Variants in ATP2B2 observed in about 807,000 individuals in gnomAD.
The protein encoded by ATP2B2 is ATPase plasma membrane Ca2+ transporting 2.
A neutral mutation model predicts 120.0 loss-of-function variants in ATP2B2; 15 were observed. The ratio of observed to expected loss-of-function variants is 0.12; its 90% CI spans 0.08 to 0.19. The LOEUF (loss-of-function observed/expected upper bound fraction) is 0.19, where lower values mean the gene tolerates loss of function less well. Ranked by LOEUF, ATP2B2 falls within the 10% of genes least tolerant of loss-of-function variation. The pLI, the probability that ATP2B2 is intolerant of heterozygous loss-of-function variation, is 1.00. For synonymous variants in ATP2B2, 694 were observed against 700.3 expected, an observed-to-expected ratio of 0.99 and a Z score of 0.14; for missense variants, 1,045 against 1,719.8, an observed-to-expected ratio of 0.61 and a Z score of 6.94.
chr3:10,692,619 G>A lies in ATP2B2; in HGVS notation c.-460+15296C>T, dbSNP rs562121378. On this transcript the variant is annotated intron_variant, in intron 1 of 21. Transcript: ENST00000646379. ...GATCCTCTGATGGGAACAGTGAGGAGTGGCAGCACCTTGTGGGTTATGAAC... is the reference window on the plus strand; with the variant it reads ...GATCCTCTGATGGGAACAGTGAGGAATGGCAGCACCTTGTGGGTTATGAAC... 1.1e-4 allele frequency among the ~76,000 whole-genome samples: 16 copies of A among 152,326 alleles called. No homozygotes were observed. In the South Asian group the frequency reaches 3.1e-3, roughly 30 times the overall value.
At chr3:10,557,966 G>A (rs4684711) in intron 2 of ATP2B2, among the ~76,000 whole-genome samples, 1 of 152,170 alleles carries the variant, frequency 6.6e-6, no homozygotes. Context: ...GTAGCATGAA[G>A]GCCCCTGGCC....
chr3:10,600,106 G>A (rs1473703077), intron 2 of ATP2B2, among the ~76,000 whole-genome samples: 1 of 151,970 alleles, frequency 6.6e-6, no homozygotes, highest in African/African-American at 2.4e-5. Flanking sequence ...GAGGGGCTGG[G>A]GCTGGTGGGG....
rs1281969742 is a variant in ATP2B2, at chr3:10,340,926, G to A, written c.2918-222C>T. Among the ~76,000 whole-genome samples, 1 of 152,240 alleles carries A rather than the reference G, an allele frequency of 6.6e-6. No homozygotes were observed. Among genetic ancestry groups the A allele is most frequent in the East Asian group, 1.9e-4 (1 of 5,182 alleles). On this transcript the variant is annotated intron_variant, in intron 19 of 22. Transcript: ENST00000360273. This position sits in a 1 kb window ranked among gnomAD's most constrained non-coding sequence, Gnocchi z 5.0. Reference sequence around the variant, plus strand: ...TCTCCTCTGGGGAAGAAAGGCCTTGGGCAACTGTCTTCCACTTTTTCTGTG... The same window carrying A: ...TCTCCTCTGGGGAAGAAAGGCCTTGAGCAACTGTCTTCCACTTTTTCTGTG...
intron 2 of ATP2B2, among the ~76,000 whole-genome samples, chr3:10,559,654 G>GC (rs950010435): frequency 2.0e-5 from 3 of 152,254 alleles, no homozygotes; most frequent in Non-Finnish European, 4.4e-5. Context: ...TTGCCTCCAA[G>GC]CCCCCCGACT....
At chr3:10,548,119 G>A (rs2067591058) in intron 2 of ATP2B2, among the ~76,000 whole-genome samples, 1 of 152,220 alleles carries the variant, frequency 6.6e-6, no homozygotes. Flanking sequence ...CTGGTGATGA[G>A]GTTCTAAGGA....
rs549748412 is a variant in ATP2B2, at chr3:10,644,472, C to T, written c.-459-24511G>A. Among the ~76,000 whole-genome samples, 8 of 152,318 alleles carry T rather than the reference C, an allele frequency of 5.3e-5. No homozygotes were observed. The South Asian group carries it at 1.5e-3, about 28-fold the overall frequency. ...AATATAGATACACATATGTTCACAA[C>T]AGCGCTGTTCACAAAAGTCAAAAGG... On this transcript the variant is annotated intron_variant, in intron 1 of 21. Transcript: ENST00000646379.
chr3:10,620,042 T>G (rs541493259), intron 1 of ATP2B2: 5 of 152,366 alleles, frequency 3.3e-5, no homozygotes, highest in African/African-American at 1.2e-4. Context: ...GGGATTCAGA[T>G]CTGACTGAAA....
At chr3:10,500,524 T>C (rs1230220256) in intron 1 of ATP2B2, among the ~76,000 whole-genome samples, 1 of 151,584 alleles carries the variant, frequency 6.6e-6, no homozygotes, top group African/African-American at 2.4e-5. Flanking sequence ...CAATGACCAA[T>C]GTCTTTAGAA....
chr3:10,704,272 A>G lies in ATP2B2; in HGVS notation c.-460+3643T>C, dbSNP rs547954921. 1.1e-4 allele frequency among the ~76,000 whole-genome samples: 16 copies of G among 152,328 alleles called. No individual in the cohort carries two copies. The East Asian group carries it at 2.7e-3, about 26-fold the overall frequency. On this transcript the variant is annotated intron_variant, in intron 1 of 21. Transcript: ENST00000646379. The stretch of plus-strand genomic sequence containing the variant: ...TTAGGACTGCCATGAAAATAGATAC[A>G]CATGGAAAAGCATCTCACATAGCAA...
intron 2 of ATP2B2, among the ~76,000 whole-genome samples, chr3:10,586,193 G>T (rs2068507433): frequency 6.6e-6 from 1 of 152,126 alleles, no homozygotes; most frequent in South Asian, 2.1e-4. Context: ...TGTCATGATT[G>T]AAAAAAGTGG....
intron 13 of ATP2B2, among the ~76,000 whole-genome samples, chr3:10,359,523 C>A (rs1442900203): frequency 1.3e-5 from 2 of 152,092 alleles, no homozygotes; most frequent in Admixed American, 1.3e-4. Flanking sequence ...ATGAAAATAG[C>A]TACCATCAAC....
rs530254348 is a variant in ATP2B2 at position 10,602,148 on chromosome 3, C to T, written c.-415+17769G>A. Among the ~76,000 whole-genome samples the T allele has an allele frequency of 4.6e-5, 7 of 152,272 alleles. No individual in the cohort carries two copies. The South Asian group carries it at 1.4e-3, about 32-fold the overall frequency. ...CCCCCTCCCCACTTCCTGCCCTGGCCTCTGCCCCCTCCCTGCCCTCATCAA... is the reference window on the plus strand; with the variant it reads ...CCCCCTCCCCACTTCCTGCCCTGGCTTCTGCCCCCTCCCTGCCCTCATCAA... On this transcript the variant is annotated intron_variant, in intron 2 of 21. Coordinates refer to the ATP2B2 transcript ENST00000646379.
intron 3 of ATP2B2, among the ~76,000 whole-genome samples, chr3:10,516,838 A>T (rs2066885600): frequency 6.6e-6 from 1 of 152,124 alleles, no homozygotes; most frequent in Non-Finnish European, 1.5e-5. Flanking sequence ...GGAAGTGTCC[A>T]CCCTGTGGAA....
chr3:10,373,827 G>A (rs2061309517), intron 11 of ATP2B2, among the ~76,000 whole-genome samples: 1 of 152,100 alleles, frequency 6.6e-6, no homozygotes, highest in Admixed American at 6.5e-5. Flanking sequence ...TCTTGCCTCG[G>A]CCTCTGAAAG....
chr3:10,577,131 T>C (rs1158964536), intron 2 of ATP2B2, among the ~76,000 whole-genome samples: 2 of 151,534 alleles, frequency 1.3e-5, no homozygotes, highest in African/African-American at 2.4e-5. Context: ...AGGAACTTGA[T>C]GGAAGTCCAG....
At position 10,678,282 on chromosome 3, in the gene ATP2B2, A is replaced by C. The variant is rs2071293581; in HGVS notation, c.-460+29633T>G. Among the ~76,000 whole-genome samples the C allele has an allele frequency of 3.9e-5, 6 of 152,376 alleles. No individual in the cohort carries two copies. The South Asian group carries it at 1.0e-3, about 26-fold the overall frequency. Reference sequence around the variant, plus strand: ...TGGATGGGCATCCCCAGGTTTACTGAAACATCGTGCCTTCATCGAACTGTT... The same window carrying C: ...TGGATGGGCATCCCCAGGTTTACTGCAACATCGTGCCTTCATCGAACTGTT... On this transcript the variant is annotated intron_variant, in intron 1 of 21. Coordinates refer to the ATP2B2 transcript ENST00000646379.
intron 3 of ATP2B2, among the ~76,000 whole-genome samples, chr3:10,406,210 CA>C (rs1270333866): frequency 6.6e-6 from 1 of 152,222 alleles, no homozygotes; most frequent in Admixed American, 6.5e-5. Flanking sequence ...TCCTGTTCAT[CA>C]GGGGGCATCC....
rs77581718 is a variant in ATP2B2, at chr3:10,438,750, G to C, written c.199+10595C>G. Reference sequence around the variant, plus strand: ...GGCCTGGAGGCAGAGGATCTCTCCAGCTGAACTCGAGGCGTTTGTGGGACC... The same window carrying C: ...GGCCTGGAGGCAGAGGATCTCTCCACCTGAACTCGAGGCGTTTGTGGGACC... On this transcript the variant is annotated intron_variant, in intron 2 of 22. Coordinates refer to ENST00000360273, the MANE Select transcript of ATP2B2 (RefSeq NM_001001331.4). Among the ~76,000 whole-genome samples, 301 of 152,352 alleles carry C rather than the reference G, an allele frequency of 2.0e-3. 6 individuals are homozygous for C. In the South Asian group the frequency reaches 0.041, roughly 21 times the overall value.
At chr3:10,486,328 T>TGTGC (rs149290932) in intron 1 of ATP2B2, among the ~76,000 whole-genome samples, 11,442 of 115,510 alleles carry the variant, frequency 0.099, 425 homozygotes, top group Non-Finnish European at 0.11. Flanking sequence ...TGCGTGCGTG[T>TGTGC]GTGTGTGTGT....
Sources: gnomAD v4.1 joint callset for allele counts (sites outside exome capture counted in the v4.1 genomes callset) on GRCh38, gnomAD v4.1.1 for gene constraint, Gnocchi (gnomAD v3.1) non-coding constraint, MANE v1.5 for transcripts, NCBI Gene and HGNC (gene_info 2026-07-23, HGNC 2026-07-21) for gene names.